TTN: variants seen among roughly 807,000 people sequenced by gnomAD.
TTN encodes the protein titin, also known as connectin.
TTN carries 1,525 observed loss-of-function variants against 3,223.0 expected under a neutral mutation model. The ratio of observed to expected loss-of-function variants is 0.47; its 90% CI spans 0.45 to 0.49. TTN has a LOEUF of 0.49. Ranked by LOEUF, TTN falls within the 20% of genes least tolerant of loss-of-function variation. TTN has a pLI of 0.00. For missense variants in TTN, 40,786 were observed against 43,424.0 expected, an observed-to-expected ratio of 0.94 and a Z score of 5.40; for synonymous variants, 14,094 against 15,161.0, an observed-to-expected ratio of 0.93 and a Z score of 5.17.
In TTN at chr2:178,557,694, G is replaced by A. The variant is rs777982415; in HGVS notation, c.87660C>T (p.Ile29220=). The A allele has an allele frequency of 7.4e-6, 12 of 1,613,870 alleles. No homozygotes were observed. Among genetic ancestry groups the A allele is most frequent in the Admixed American group, 1.7e-5 (1 of 60,006 alleles). Residue 29220 remains isoleucine (I), a synonymous_variant, in exon 328 of 363, where the codon ATC becomes ATT. Coordinates refer to ENST00000589042, the MANE Select transcript of TTN (RefSeq NM_001267550.2). The part of the protein sequence containing the change: ...FRIKAENRFG[I]SDHIDSACVT... Reference sequence around the variant, plus strand: ...CACAAGCTGAATCTATATGATCACTGATGCCAAAGCGGTTTTCTGCCTTGA... The same window carrying A: ...CACAAGCTGAATCTATATGATCACTAATGCCAAAGCGGTTTTCTGCCTTGA...
At chr2:178,693,491 G>A in intron 119 of TTN, 118 bp downstream of exon 119, 1 of 681,450 alleles carries the variant, frequency 1.5e-6, no homozygotes. Context: ...GTACATAGTG[G>A]CTATAGGTAT....
intron 6 of TTN, 150 bp downstream of exon 6, chr2:178,799,337 A>T: frequency 8.2e-7 from 1 of 1,221,480 alleles, no homozygotes; most frequent in East Asian, 2.5e-5. Flanking sequence ...GCCCGTTTGT[A>T]TGCTCCCCTA....
chr2:178,620,893 T>A lies in TTN; in HGVS notation c.45717A>T (p.Lys15239Asn). The change falls in exon 247 of 363, where the codon AAA becomes AAT. Residue 15239 changes from lysine to asparagine, a missense_variant. By Grantham distance (94) the Lys-to-Asn change is moderately conservative. Transcript: ENST00000589042. ...ATATAGCTTCTTCATTTCTGAACCA[T>A]TTGGCTTTGGCACCTTCAGTATTGA... Reference protein sequence around the residue: ...CEVNTEGAKAKWFRNEEAIFD... With the variant: ...CEVNTEGAKANWFRNEEAIFD... 6.2e-7 allele frequency: 1 copy of A among 1,612,530 alleles called. No individual in the cohort carries two copies. Among genetic ancestry groups the A allele is most frequent in the Non-Finnish European group, 8.5e-7 (1 of 1,179,158 alleles).
intron 239 of TTN, among the ~76,000 whole-genome samples, chr2:178,629,737 G>A (rs1046411640): frequency 2.0e-5 from 3 of 152,052 alleles, no homozygotes; most frequent in African/African-American, 7.2e-5. Flanking sequence ...TAAGGTATGT[G>A]ACTTCCAAAA....
chr2:178,750,439 A>T, intron 47 of TTN: 1 of 1,612,592 alleles, frequency 6.2e-7, no homozygotes, highest in African/African-American at 1.3e-5. Flanking sequence ...TAAAGTTTTG[A>T]TTACGTGGGA....
intron 263 of TTN, 122 bp downstream of exon 263, chr2:178,613,629 G>A (rs960317571): frequency 4.4e-5 from 43 of 967,322 alleles, no homozygotes; most frequent in Non-Finnish European, 5.8e-5. Context: ...TAGAAAATAT[G>A]AGTAAAAGTA....
Position 178,781,233 on chromosome 2 carries a change from AC to A in TTN, c.3410del (p.Gly1137ValfsTer6). ...TCATAGAAATCACCAGCTTGCATTC[AC>A]CGGTTTGTTTGTTGTAACTCACTTT... The part of the protein sequence containing the change: ...RYKVSYNKQT[G>X]ECKLVISMTF... On this transcript the variant is annotated frameshift_variant, in exon 21 of 363. Coordinates refer to ENST00000589042, the MANE Select transcript of TTN (RefSeq NM_001267550.2). LOFTEE classifies it high-confidence loss of function. The A allele has an allele frequency of 6.2e-7, 1 of 1,614,054 alleles. No homozygotes were observed. The highest frequency in any genetic ancestry group is 8.5e-7 in the Non-Finnish European group (1 of 1,179,964).
Position 178,725,469 on chromosome 2 carries a change from A to G in TTN, c.20735T>C (p.Leu6912Pro), listed in dbSNP as rs780735199. ...AGCTGGCTCTGCTTTTGCAAACTGT[A>G]GAGTTGCAACATTTTCCACAAATGT... The part of the protein sequence containing the change: ...RITFVENVAT[L>P]QFAKAEPANA... The change falls in exon 71 of 363, where the codon CTA becomes CCA. Residue 6912 changes from leucine (L) to proline (P), a missense_variant. By Grantham distance (98) the Leu-to-Pro change is moderately conservative. Transcript: ENST00000589042. The G allele has an allele frequency of 1.2e-6, 2 of 1,613,168 alleles. No homozygotes were observed.
chr2:178,642,145 A>G lies in TTN; in HGVS notation c.40558+92T>C. 5 of 1,113,542 alleles carry G rather than the reference A, an allele frequency of 4.5e-6. No homozygotes were observed. The East Asian group carries it at 1.5e-4, about 33-fold the overall frequency. 69.0% of individuals were successfully genotyped at this position (1,113,542 alleles called of 1,614,324 possible). A position where few individuals can be genotyped will look rare whatever the true frequency, so the allele number is the denominator to read the frequency against. On this transcript the variant is annotated intron_variant, in intron 219 of 362. Coordinates refer to ENST00000589042, the MANE Select transcript of TTN (RefSeq NM_001267550.2). ...TTTTGATAAATAGCGAACCAATTCA[A>G]AGAAAACCAAAGGACAGAAACATTT...
intron 6 of TTN, among the ~76,000 whole-genome samples, chr2:178,796,548 T>C (rs2093777694): frequency 6.6e-6 from 1 of 152,166 alleles, no homozygotes; most frequent in African/African-American, 2.4e-5. Context: ...GTAATCAAAC[T>C]AAAGGGAAAT....
In TTN at chr2:178,551,635, G is replaced by A; in HGVS notation, c.91265C>T (p.Pro30422Leu). The A allele has an allele frequency of 1.3e-6, 2 of 1,575,662 alleles. No individual in the cohort carries two copies. Among genetic ancestry groups the A allele is most frequent in the Middle Eastern group, 1.7e-4 (1 of 5,852 alleles). Residue 30422 changes from proline (P) to leucine (L), a missense_variant, in exon 335 of 363, where the codon CCA becomes CTA. By Grantham distance (98) the Pro-to-Leu change is moderately conservative. Transcript: ENST00000589042. ...DPSKFTLAVS[P>L]VDPPGTPDYI... ...TTTGAATAATAATCACTTACCTACT[G>A]GAGAAACAGCTAAGGTAAATTTGCT...
In TTN at chr2:178,598,997, A is replaced by T. The variant is rs1488040834; in HGVS notation, c.56713T>A (p.Trp18905Arg). The T allele has an allele frequency of 1.2e-6, 2 of 1,610,822 alleles. No individual in the cohort carries two copies. The highest frequency in any genetic ancestry group is 1.7e-6 in the Non-Finnish European group (2 of 1,178,404). Residue 18905 changes from tryptophan (W) to arginine (R), a missense_variant, in exon 291 of 363, where the codon TGG (tryptophan) becomes AGG (arginine). Trp to Arg is a moderately radical substitution (Grantham distance 101). Coordinates refer to ENST00000589042, the MANE Select transcript of TTN (RefSeq NM_001267550.2). ...CCTCCATCATATTCTGGCTCTTCCC[A>T]GTTGACAGTCATGGAGTTACGAGTC... ...SVTRNSMTVN[W>R]EEPEYDGGSP...
rs938840239 is a variant in TTN, at chr2:178,564,983, T to C, written c.81149A>G (p.Glu27050Gly). The C allele has an allele frequency of 1.2e-6, 2 of 1,612,074 alleles. No individual in the cohort carries two copies. Among genetic ancestry groups the C allele is most frequent in the African/African-American group, 2.7e-5 (2 of 74,754 alleles). Residue 27050 changes from glutamate (E) to glycine (G), a missense_variant, in exon 326 of 363, where the codon GAA (glutamate) becomes GGA (glycine). Coordinates refer to ENST00000589042, the MANE Select transcript of TTN (RefSeq NM_001267550.2). ...TGGGGCACTTTTTCCATACCTGTTTTCAGCAAAAATTCTAAACTGGTACTC... is the reference window on the plus strand; with the variant it reads ...TGGGGCACTTTTTCCATACCTGTTTCCAGCAAAAATTCTAAACTGGTACTC... Reference protein sequence around the residue: ...GTEYQFRIFAENRYGKSAPLD... With the variant: ...GTEYQFRIFAGNRYGKSAPLD...
At position 178,612,413 on chromosome 2, in the gene TTN, A is replaced by G. The variant is rs1480918075; in HGVS notation, c.50112T>C (p.Thr16704=). The change falls in exon 266 of 363, where the codon ACT becomes ACC. Residue 16704 remains threonine (T), a synonymous_variant. Coordinates refer to ENST00000589042, the MANE Select transcript of TTN (RefSeq NM_001267550.2). The part of the protein sequence containing the change: ...RRKGWQTVDT[T]VKDTKCTVTP... ...TGACTGTGCACTTGGTGTCCTTGAC[A>G]GTGGTATCCACTGTTTGCCAGCCTT... 2 of 1,612,538 alleles carry G rather than the reference A, an allele frequency of 1.2e-6. No homozygotes were observed. The highest frequency in any genetic ancestry group is 3.3e-5 in the Admixed American group (2 of 59,914).
At position 178,745,920 on chromosome 2, in the gene TTN, A is replaced by G. The variant is rs2083432637; in HGVS notation, c.11312-3999T>C. ...TCTGTGTAGTTGCTCTTTAAGACCA[A>G]TTCTTCCATTAAACTGCTTAAAGTC... On this transcript the variant is annotated intron_variant, in intron 47 of 362. Coordinates refer to ENST00000589042, the MANE Select transcript of TTN (RefSeq NM_001267550.2). The G allele has an allele frequency of 8.7e-6, 14 of 1,609,024 alleles. No individual in the cohort carries two copies. In the East Asian group the frequency reaches 1.6e-4, roughly 18 times the overall value.
chr2:178,697,258 T>G (rs1055333103), intron 112 of TTN, 90 bp from the exon 113 acceptor site: 6 of 1,122,828 alleles, frequency 5.3e-6, no homozygotes, highest in Non-Finnish European at 7.4e-6. Flanking sequence ...TGTTAGTTGT[T>G]TGTAGGAGCT....
Position 178,778,956 on chromosome 2 carries a change from A to G in TTN, c.4126T>C (p.Ser1376Pro), listed in dbSNP as rs1060500425. 6.2e-7 allele frequency: 1 copy of G among 1,614,012 alleles called. No homozygotes were observed. The highest frequency in any genetic ancestry group is 8.5e-7 in the Non-Finnish European group (1 of 1,179,944). Residue 1376 changes from serine to proline, a missense_variant, in exon 24 of 363, where the codon TCA becomes CCA. Coordinates refer to ENST00000589042, the MANE Select transcript of TTN (RefSeq NM_001267550.2). Reference sequence around the variant, plus strand: ...GCAGGCTCCACATACAATTTCCCTGAGCAAATTGCATTTCCTTTAATATTG... The same window carrying G: ...GCAGGCTCCACATACAATTTCCCTGGGCAAATTGCATTTCCTTTAATATTG... ...ASNIKGNAIC[S>P]GKLYVEPAAP...
rs755378218 is a variant in TTN at position 178,664,451 on chromosome 2, A to G, written c.36280+9T>C. 3.7e-6 allele frequency: 6 copies of G among 1,602,892 alleles called. No homozygotes were observed. The highest frequency in any genetic ancestry group is 5.1e-6 in the Non-Finnish European group (6 of 1,175,030). ...CTATCCCACCATAAAAAGACAGTTA[A>G]GAATGTACCTTTGACAGGTACAACT... is the stretch of plus-strand genomic sequence containing the variant. On this transcript the variant is annotated intron_variant, in intron 168 of 362. Transcript: ENST00000589042.
In TTN at chr2:178,538,941, C is replaced by G; in HGVS notation, c.98989+5G>C. 1 of 1,601,366 alleles carries G rather than the reference C, an allele frequency of 6.2e-7. No homozygotes were observed. The highest frequency in any genetic ancestry group is 8.5e-7 in the Non-Finnish European group (1 of 1,171,264). On this transcript the variant is annotated splice_donor_5th_base_variant and intron_variant, in intron 353 of 362. Transcript: ENST00000589042. ...TAATTTAACCCCTTCTTCTGAATTC[C>G]TTACCAAATGGATCTTTGCAAACAA...
Sources: allele counts gnomAD v4.1 joint callset (sites outside exome capture counted in the v4.1 genomes callset), GRCh38; gene constraint gnomAD v4.1.1; transcripts MANE v1.5; gene names NCBI Gene and HGNC (gene_info 2026-07-23, HGNC 2026-07-21).